The following AQR variants were observed in gnomAD, a reference collection of about 807,000 sequenced individuals.
AQR encodes the protein RNA helicase aquarius.
In AQR, 61 loss-of-function variants were observed where a neutral mutation model predicts 180.5. The observed-to-expected ratio is 0.34, with a 90% confidence interval of 0.28 to 0.42. The LOEUF (loss-of-function observed/expected upper bound fraction) is 0.42, where lower values mean the gene tolerates loss of function less well. Among genes scored for constraint, AQR ranks in the 10% least tolerant of loss-of-function variants. The probability of loss-of-function intolerance (pLI) is 1.00; values close to 1 mark genes in which losing one functional copy is unlikely to be tolerated. For synonymous variants in AQR, 551 were observed against 588.8 expected (o/e 0.94, Z 0.93); for missense variants, 1,281 against 1,798.3 (o/e 0.71, Z 5.20).
At chr15:34,920,856 G>A (rs1893673229) in intron 13 of AQR, among the ~76,000 whole-genome samples, 1 of 152,244 alleles carries the variant, frequency 6.6e-6, no homozygotes, top group East Asian at 1.9e-4. Flanking sequence ...TACTCGGGAG[G>A]CTGAGGCAGG....
rs1262240813 is a variant in AQR at position 34,930,390 on chromosome 15, A to G, written c.901-19T>C. ...CCAAAAGCTGAAGAAACACATTTACATGTATAAATCATATGAACATAAGGG... is the reference window on the plus strand; with the variant it reads ...CCAAAAGCTGAAGAAACACATTTACGTGTATAAATCATATGAACATAAGGG... On this transcript the variant is annotated intron_variant, in intron 11 of 34. Coordinates refer to ENST00000156471, the MANE Select transcript of AQR (RefSeq NM_014691.3). 7.3e-7 allele frequency: 1 copy of G among 1,366,888 alleles called. No homozygotes were observed. The highest frequency in any genetic ancestry group is 1.4e-5 in the African/African-American group (1 of 70,152). The allele number at this position is 1,366,888 out of a possible 1,614,324, so 84.7% of individuals were successfully genotyped here. A position where few individuals can be genotyped will look rare whatever the true frequency, so the allele number is the denominator to read the frequency against.
chr15:34,860,055 T>C lies in AQR; in HGVS notation c.4130A>G (p.His1377Arg). Reference sequence around the variant, plus strand: ...TGAGAAACTCACCTGATGATAATGATGTGTAGTCTGTATCAAATGCATGTA... The same window carrying C: ...TGAGAAACTCACCTGATGATAATGACGTGTAGTCTGTATCAAATGCATGTA... ...NMYMHLIQTT[H>R]HYHQTLLQLP... is the part of the protein sequence containing the mutation. The change falls in exon 34 of 35, where the codon CAT (histidine) becomes CGT (arginine). Residue 1377 changes from histidine to arginine, a missense_variant. His to Arg is a conservative substitution (Grantham distance 29, BLOSUM62 0). Around this residue, in one of 9 missense-constraint regions of AQR, gnomAD observed 182 missense variants for 185.3 expected, o/e 0.98. Coordinates refer to ENST00000156471, the MANE Select transcript of AQR (RefSeq NM_014691.3). The C allele has an allele frequency of 7.1e-7, 1 of 1,417,502 alleles. No homozygotes were observed. Among genetic ancestry groups the C allele is most frequent in the Non-Finnish European group, 9.4e-7 (1 of 1,064,700 alleles). 87.8% of individuals were successfully genotyped at this position (1,417,502 alleles called of 1,614,324 possible).
intron 7 of AQR, 23 bp from the exon 8 acceptor site, chr15:34,941,022 A>G (rs1372400036): frequency 4.7e-6 from 7 of 1,495,400 alleles, no homozygotes; most frequent in Non-Finnish European, 6.4e-6. Context: ...TGTGTTATTA[A>G]ATTACCAGTA....
At chr15:34,858,310 A>ACGAC (rs1368787085) in intron 34 of AQR, among the ~76,000 whole-genome samples, 1 of 123,920 alleles carries the variant, frequency 8.1e-6, no homozygotes, top group Non-Finnish European at 1.7e-5. Flanking sequence ...AGTACCGTGC[A>ACGAC]CGACAGCAGC....
At chr15:34,864,097 AT>A (rs372736172) in intron 32 of AQR, among the ~76,000 whole-genome samples, 98 of 152,220 alleles carry the variant, frequency 6.4e-4, no homozygotes, top group African/African-American at 2.1e-3. Context: ...GAATTGGAAT[AT>A]TTATCTAATA....
At chr15:34,938,650 G>A in intron 9 of AQR, 87 bp downstream of exon 9, 1 of 849,694 alleles carries the variant, frequency 1.2e-6, no homozygotes, top group South Asian at 1.7e-5. Flanking sequence ...ATCATTCCAA[G>A]AACAGTTTTT....
rs1892857560 is a variant in AQR at position 34,873,934 on chromosome 15, G to C, written c.3491C>G (p.Pro1164Arg). Residue 1164 changes from proline (P) to arginine (R), a missense_variant, in exon 30 of 35, where the codon CCA becomes CGA. Pro to Arg is a moderately radical substitution (Grantham distance 103). Coordinates refer to ENST00000156471, the MANE Select transcript of AQR (RefSeq NM_014691.3). ...LGNLPHVQLL[P>R]EFSTANAGLL... The stretch of plus-strand genomic sequence containing the variant: ...GCCAGCATTTGCTGTACTAAACTCT[G>C]GCAAGAGCTGCACATGGGGTAAGTT... The C allele has an allele frequency of 1.2e-6, 2 of 1,612,098 alleles. No homozygotes were observed. Among genetic ancestry groups the C allele is most frequent in the African/African-American group, 2.7e-5 (2 of 74,834 alleles).
intron 1 of AQR, 140 bp downstream of exon 1, chr15:34,969,399 C>A: frequency 2.2e-6 from 2 of 897,248 alleles, no homozygotes; most frequent in East Asian, 5.3e-5. Flanking sequence ...AGCTGATACT[C>A]AGTAAAAAGA....
chr15:34,949,080 C>T lies in AQR; in HGVS notation c.210-696G>A, dbSNP rs1894175513. 3.3e-5 allele frequency among the ~76,000 whole-genome samples: 5 copies of T among 151,976 alleles called. No homozygotes were observed. The South Asian group carries it at 1.0e-3, about 32-fold the overall frequency. ...TAATCTTGGCTCACAGCAACCTCCA[C>T]CTCCCGGATTCAAGCAATTCTCCTG... is the stretch of plus-strand genomic sequence containing the variant. On this transcript the variant is annotated intron_variant, in intron 4 of 34. Transcript: ENST00000156471.
At chr15:34,874,103 C>T (rs1238234712) in intron 29 of AQR, 104 bp from the exon 30 acceptor site, 10 of 1,199,894 alleles carry the variant, frequency 8.3e-6, no homozygotes, top group Non-Finnish European at 8.8e-6. Flanking sequence ...TTTAAATTTT[C>T]ATGTTAGCCA....
At chr15:34,886,393 G>T (rs1173785034) in intron 25 of AQR, 133 bp downstream of exon 25, 3 of 776,636 alleles carry the variant, frequency 3.9e-6, no homozygotes, top group Admixed American at 3.2e-5. Context: ...CATAAATATA[G>T]CACTTGCAAT....
At chr15:34,881,364 C>T (rs942769849) in intron 27 of AQR, among the ~76,000 whole-genome samples, 2 of 152,176 alleles carry the variant, frequency 1.3e-5, no homozygotes, top group Non-Finnish European at 2.9e-5. Flanking sequence ...GCCTATCTTT[C>T]AGTGAGCTCA....
In AQR at chr15:34,964,240, A is replaced by C; in HGVS notation, c.126T>G (p.Asp42Glu). 1 of 1,603,634 alleles carries C rather than the reference A, an allele frequency of 6.2e-7. No homozygotes were observed. The highest frequency in any genetic ancestry group is 1.3e-5 in the African/African-American group (1 of 74,888). ...APHIKKKSPF[D>E]IKVIEDIYEK... ...TGAAACCAAAAATACTTACCTTTAT[A>C]TCAAAAGGTGATTTCTTCTTGATGT... is the stretch of plus-strand genomic sequence containing the variant. Residue 42 changes from aspartate (D) to glutamate (E), a missense_variant, in exon 2 of 35, where the codon GAT becomes GAG. This residue lies in a region of AQR where 404 missense variants were observed against 490.9 expected (regional missense o/e 0.82). Coordinates refer to ENST00000156471, the MANE Select transcript of AQR (RefSeq NM_014691.3).
intron 26 of AQR, 65 bp downstream of exon 26, chr15:34,884,460 C>T: frequency 7.7e-7 from 1 of 1,291,996 alleles, no homozygotes; most frequent in Admixed American, 2.5e-5. Flanking sequence ...ACATTTACTT[C>T]AAAAAAAAAC....
intron 26 of AQR, 74 bp downstream of exon 26, chr15:34,884,451 C>T (rs1310946570): frequency 2.4e-6 from 3 of 1,229,130 alleles, no homozygotes; most frequent in African/African-American, 1.6e-5. Context: ...GAATATTTCA[C>T]ATTTACTTCA....
intron 20 of AQR, 150 bp downstream of exon 20, chr15:34,900,472 G>T: frequency 1.0e-6 from 1 of 952,748 alleles, no homozygotes. Context: ...ATATAATAAA[G>T]TTATCCCAGT....
chr15:34,870,504 A>T (rs947375721), intron 31 of AQR, among the ~76,000 whole-genome samples: 3 of 152,272 alleles, frequency 2.0e-5, no homozygotes, highest in African/African-American at 7.2e-5. Flanking sequence ...ATTTTGTTAT[A>T]TATCATTTTA....
At position 34,947,155 on chromosome 15, in the gene AQR, G is replaced by A. The variant is rs1298371865; in HGVS notation, c.330+1109C>T. ...GTAGACATGGGAGACTTTTCATTTT[G>A]TTCTGTACTAAGAAAAATTCTTCTG... On this transcript the variant is annotated intron_variant, in intron 5 of 34. Transcript: ENST00000156471. Among the ~76,000 whole-genome samples, 3 of 147,046 alleles carry A rather than the reference G, an allele frequency of 2.0e-5. No individual in the cohort carries two copies. The East Asian group carries it at 5.8e-4, about 28-fold the overall frequency.
intron 12 of AQR, among the ~76,000 whole-genome samples, chr15:34,928,516 G>A (rs997903801): frequency 6.6e-6 from 1 of 152,170 alleles, no homozygotes; most frequent in Non-Finnish European, 1.5e-5. Flanking sequence ...TCCCCGCAAA[G>A]GACATGATCT....
Sources: gnomAD v4.1 joint callset for allele counts (sites outside exome capture counted in the v4.1 genomes callset) on GRCh38, gnomAD v4.1.1 for gene constraint, gnomAD v4.1.1 regional missense constraint, MANE v1.5 for transcripts, NCBI Gene and HGNC (gene_info 2026-07-23, HGNC 2026-07-21) for gene names.